Variants in ADCY3 observed in about 807,000 individuals in gnomAD.
ADCY3 encodes the protein adenylate cyclase type 3.
ADCY3 carries 70 observed loss-of-function variants against 119.4 expected under a neutral mutation model. That is an observed-to-expected ratio of 0.59 (90% confidence interval 0.48 to 0.72). The LOEUF (loss-of-function observed/expected upper bound fraction) is 0.72. Ranked by LOEUF, ADCY3 falls within the 30% of genes least tolerant of loss-of-function variation. ADCY3 has a pLI of 0.00. For synonymous variants in ADCY3, 672 were observed against 621.4 expected (o/e 1.08, Z -1.21); for missense variants, 1,238 against 1,541.6 (o/e 0.80, Z 3.30).
intron 19 of ADCY3, chr2:24,822,284 C>G (rs1667869171): frequency 1.9e-6 from 1 of 530,696 alleles, no homozygotes; most frequent in Non-Finnish European, 3.2e-6. Flanking sequence ...ACACAACCAT[C>G]TTAGGCCTGA....
At chr2:24,840,332 C>T (rs1179164923) in intron 6 of ADCY3, among the ~76,000 whole-genome samples, 1 of 152,246 alleles carries the variant, frequency 6.6e-6, no homozygotes. Context: ...GTTAATATTT[C>T]ACTGAGCATC....
Position 24,820,728 on chromosome 2 carries a change from A to T in ADCY3, c.3248T>A (p.Ile1083Asn). The T allele has an allele frequency of 6.2e-7, 1 of 1,614,002 alleles. No individual in the cohort carries two copies. Among genetic ancestry groups the T allele is most frequent in the Non-Finnish European group, 8.5e-7 (1 of 1,179,972 alleles). Residue 1083 changes from isoleucine (I) to asparagine (N), a missense_variant, in exon 21 of 22, where the codon ATT (isoleucine) becomes AAT (asparagine). By Grantham distance (149) the Ile-to-Asn change is moderately radical. Around this residue, in one of 7 missense-constraint regions of ADCY3, gnomAD observed 43 missense variants for 77.0 expected, o/e 0.56. Transcript: ENST00000679454. ...CAGCTGTGCCACTGGACATACCTGA[A>T]TGTTGCCCATGACCCCCGTGGACTC... ...RMESTGVMGN[I>N]QVVEETQVIL...
Position 24,841,696 on chromosome 2 carries a change from C to T in ADCY3, c.957-29G>A, listed in dbSNP as rs377672879. On this transcript the variant is annotated intron_variant, in intron 4 of 21. Coordinates refer to ENST00000679454, the MANE Select transcript of ADCY3 (RefSeq NM_004036.5). The surrounding 1 kb of genome is among the most constrained non-coding windows in gnomAD (Gnocchi z 5.8). ...CATGAGGAAGGAACCGTGGGGGTGACGCTCCAGGCAGCCAGGTGTACCCGA... is the reference window on the plus strand; with the variant it reads ...CATGAGGAAGGAACCGTGGGGGTGATGCTCCAGGCAGCCAGGTGTACCCGA... The T allele has an allele frequency of 6.2e-5, 98 of 1,579,576 alleles. 1 individual carries two copies. The highest frequency in any genetic ancestry group is 2.8e-4 in the African/African-American group (21 of 74,232).
rs535334186 is a variant in ADCY3 at position 24,830,805 on chromosome 2, C to T, written c.2076G>A (p.Val692=). ...TCCGGTCAATCCAAGTTGAGAAGGC[C>T]ACAAGCTTCTTAGGAAAGGCCTAGA... The part of the protein sequence containing the change: ...IFPRAFPKKL[V]AFSTWIDRTR... Residue 692 remains valine (V), a synonymous_variant, in exon 13 of 22, where the codon GTG becomes GTA. Transcript: ENST00000679454. The T allele has an allele frequency of 1.2e-6, 2 of 1,614,000 alleles. No homozygotes were observed. Among genetic ancestry groups the T allele is most frequent in the African/African-American group, 2.7e-5 (2 of 75,038 alleles).
At chr2:24,893,600 GTCTTT>G (rs1308016519) in intron 2 of ADCY3, among the ~76,000 whole-genome samples, 3 of 119,330 alleles carry the variant, frequency 2.5e-5, no homozygotes, top group African/African-American at 1.5e-4. Flanking sequence ...CACAATACCT[GTCTTT>G]TTTTTTTTTC....
In ADCY3 at chr2:24,824,507, C is replaced by G. The variant is rs374101291; in HGVS notation, c.2607G>C (p.Leu869Phe). ...HVEKLARTLFLWKIEVHDQKE... is the reference protein window; with the variant it reads ...HVEKLARTLFFWKIEVHDQKE... ...TCTGGTCGTGGACCTCAATCTTCCA[C>G]AAGAAAAGTGTCCGTGCCAGTTTTT... Residue 869 changes from leucine (L) to phenylalanine (F), a missense_variant, in exon 17 of 22, where the codon TTG (leucine) becomes TTC (phenylalanine). Physicochemically the swap from Leu to Phe is conservative, Grantham distance 22. Transcript: ENST00000679454. 6.2e-7 allele frequency: 1 copy of G among 1,614,094 alleles called. No individual in the cohort carries two copies. The highest frequency in any genetic ancestry group is 1.3e-5 in the African/African-American group (1 of 74,944).
In ADCY3 at chr2:24,854,456, A is replaced by G. The variant is rs866453286; in HGVS notation, c.826-12072T>C. On this transcript the variant is annotated intron_variant, in intron 3 of 21. Coordinates refer to ENST00000679454, the MANE Select transcript of ADCY3 (RefSeq NM_004036.5). Reference sequence around the variant, plus strand: ...TTGGTTCCTTATCTATAAAATGGGCATCTCTTAGGCCTCTTTGTTTAAAGT... The same window carrying G: ...TTGGTTCCTTATCTATAAAATGGGCGTCTCTTAGGCCTCTTTGTTTAAAGT... Among the ~76,000 whole-genome samples the G allele has an allele frequency of 2.6e-5, 4 of 152,298 alleles. No individual in the cohort carries two copies. The South Asian group carries it at 8.3e-4, about 32-fold the overall frequency.
At position 24,837,376 on chromosome 2, in the gene ADCY3, G is replaced by GTTGA. The variant is rs1286076835; in HGVS notation, c.1534-335_1534-332dup. Among the ~76,000 whole-genome samples the GTTGA allele has an allele frequency of 2.6e-5, 4 of 152,338 alleles. No homozygotes were observed. In the East Asian group the frequency reaches 7.7e-4, roughly 29 times the overall value. On this transcript the variant is annotated intron_variant, in intron 8 of 21. Transcript: ENST00000679454. Reference sequence around the variant, plus strand: ...AATGGAGACGTACAAGTGGCTGTATGTTGAGTGCAGGGAAGACACTGGGGG... The same window carrying GTTGA: ...AATGGAGACGTACAAGTGGCTGTATGTTGATTGAGTGCAGGGAAGACACTGGGGG...
Position 24,821,608 on chromosome 2 carries a change from G to C in ADCY3, c.3036C>G (p.His1012Gln). The change falls in exon 20 of 22, where the codon CAC becomes CAG. Residue 1012 changes from histidine to glutamine, a missense_variant. Physicochemically the swap from His to Gln is conservative, Grantham distance 24. Coordinates refer to ENST00000679454, the MANE Select transcript of ADCY3 (RefSeq NM_004036.5). The part of the protein sequence containing the change: ...EDKSERERWQ[H>Q]LADLADFALA... The stretch of plus-strand genomic sequence containing the variant: ...GCGCGAAGTCGGCCAGGTCAGCCAG[G>C]TGCTGCCAGCGCTCTCTCTCGGACT... 6.2e-7 allele frequency: 1 copy of C among 1,614,186 alleles called. No individual in the cohort carries two copies. The highest frequency in any genetic ancestry group is 8.5e-7 in the Non-Finnish European group (1 of 1,180,036).
At position 24,824,462 on chromosome 2, in the gene ADCY3, C is replaced by T. The variant is rs1336234399; in HGVS notation, c.2652G>A (p.Met884Ile). 13 of 1,614,148 alleles carry T rather than the reference C, an allele frequency of 8.1e-6. No individual in the cohort carries two copies. Among genetic ancestry groups the T allele is most frequent in the Middle Eastern group, 1.6e-4 (1 of 6,084 alleles). The change falls in exon 17 of 22, where the codon ATG becomes ATA. Residue 884 changes from methionine to isoleucine, a missense_variant. This residue lies in a region of ADCY3 where 499 missense variants were observed against 571.0 expected (regional missense o/e 0.87). Transcript: ENST00000679454. ...TGACCAAGGCCTCGTTCCAGCGTCGCATCTCATAGACACGTTCCTTCTGGT... is the reference window on the plus strand; with the variant it reads ...TGACCAAGGCCTCGTTCCAGCGTCGTATCTCATAGACACGTTCCTTCTGGT... Reference protein sequence around the residue: ...VHDQKERVYEMRRWNEALVTN... With the variant: ...VHDQKERVYEIRRWNEALVTN...
Position 24,919,193 on chromosome 2 carries a change from G to T in ADCY3, c.-197-9C>A. ...GCACTGATCAGCTAGAACTGAAAAGGGCATTGCTGAGTAGAAGCACCTCTT... is the reference window on the plus strand; with the variant it reads ...GCACTGATCAGCTAGAACTGAAAAGTGCATTGCTGAGTAGAAGCACCTCTT... On this transcript the variant is annotated splice_polypyrimidine_tract_variant and intron_variant, in intron 1 of 21. Transcript: ENST00000679454. The surrounding 1 kb of genome is among the most constrained non-coding windows in gnomAD (Gnocchi z 5.5). 1.7e-6 allele frequency: 1 copy of T among 587,850 alleles called. No individual in the cohort carries two copies. 36.4% of individuals were successfully genotyped at this position (587,850 alleles called of 1,614,324 possible).
At chr2:24,830,634 C>T in intron 13 of ADCY3, 75 bp downstream of exon 13, 3 of 1,175,306 alleles carry the variant, frequency 2.6e-6, no homozygotes, top group Non-Finnish European at 3.7e-6. Flanking sequence ...TGAGAAACTG[C>T]TTGTGTGACC....
chr2:24,860,933 C>T (rs768827887), intron 3 of ADCY3, among the ~76,000 whole-genome samples: 5 of 152,200 alleles, frequency 3.3e-5, no homozygotes, highest in Admixed American at 6.5e-5. Context: ...GCCCTTCAGC[C>T]GCACACTCTT....
chr2:24,853,158 C>T (rs574314558), intron 3 of ADCY3, among the ~76,000 whole-genome samples: 205 of 151,980 alleles, frequency 1.3e-3, no homozygotes, highest in Middle Eastern at 3.4e-3. Context: ...AACCTGTAAC[C>T]GAGGACTGGG....
chr2:24,835,096 C>T (rs1422674964), intron 9 of ADCY3, among the ~76,000 whole-genome samples, 160 bp from the exon 10 acceptor site: 2 of 145,222 alleles, frequency 1.4e-5, no homozygotes, highest in African/African-American at 5.1e-5. Context: ...CTTCCCCATG[C>T]TCCCACGTGG....
chr2:24,882,057 A>C (rs1421149922), intron 2 of ADCY3, among the ~76,000 whole-genome samples: 2 of 152,238 alleles, frequency 1.3e-5, no homozygotes, highest in African/African-American at 4.8e-5. Context: ...CTACCAGAGA[A>C]TAATGAACTC....
chr2:24,881,732 T>C (rs1399710643), intron 2 of ADCY3, among the ~76,000 whole-genome samples: 1 of 152,218 alleles, frequency 6.6e-6, no homozygotes, highest in East Asian at 1.9e-4. Flanking sequence ...TCCCCCTTGA[T>C]AAGAGAGCCA....
intron 2 of ADCY3, among the ~76,000 whole-genome samples, chr2:24,916,480 G>A (rs964537122): frequency 6.6e-6 from 1 of 152,200 alleles, no homozygotes; most frequent in African/African-American, 2.4e-5. Flanking sequence ...TCAAGAGATC[G>A]AGACTATCCT....
At chr2:24,839,762 G>T (rs960987422) in intron 7 of ADCY3, 111 bp downstream of exon 7, 1 of 1,465,442 alleles carries the variant, frequency 6.8e-7, no homozygotes, top group African/African-American at 1.4e-5. Context: ...CGGGGTTGTA[G>T]GGAGGCCTTC....
Sources: allele counts gnomAD v4.1 joint callset (sites outside exome capture counted in the v4.1 genomes callset), GRCh38; gene constraint gnomAD v4.1.1; regional missense constraint gnomAD v4.1.1; non-coding constraint Gnocchi (gnomAD v3.1); transcripts MANE v1.5; gene names NCBI Gene and HGNC (gene_info 2026-07-23, HGNC 2026-07-21).